Variants in KCNIP4 observed in about 807,000 individuals in gnomAD.
KCNIP4 encodes the protein Kv channel-interacting protein 4.
KCNIP4 carries 12 observed loss-of-function variants against 34.0 expected under a neutral mutation model. The observed-to-expected ratio is 0.35, with a 90% CI of 0.23 to 0.57. The LOEUF (loss-of-function observed/expected upper bound fraction) is 0.57, where lower values mean the gene tolerates loss of function less well. KCNIP4 is among the 20% of genes least tolerant of loss of function. The pLI, the probability that KCNIP4 is intolerant of heterozygous loss-of-function variation, is 0.83. For synonymous variants in KCNIP4, 124 were observed against 102.2 expected (o/e 1.21, Z -1.29); for missense variants, 238 against 311.7 (o/e 0.76, Z 1.78).
At chr4:21,820,283 GTGTATATA>G (rs1262336105) in intron 1 of KCNIP4, among the ~76,000 whole-genome samples, 12,227 of 127,340 alleles carry the variant, frequency 0.096, 753 homozygotes, top group South Asian at 0.12. Flanking sequence ...ATGTGTGTGT[GTGTATATA>G]TATATATATA....
At chr4:21,027,246 T>A (rs562687265) in intron 1 of KCNIP4, among the ~76,000 whole-genome samples, 13 of 152,148 alleles carry the variant, frequency 8.5e-5, no homozygotes, top group African/African-American at 2.4e-4. Flanking sequence ...GTAAATAAAG[T>A]TTTATTGGCA....
intron 1 of KCNIP4, among the ~76,000 whole-genome samples, chr4:21,755,078 G>T (rs1453397016): frequency 6.6e-6 from 1 of 152,166 alleles, no homozygotes; most frequent in Non-Finnish European, 1.5e-5. Context: ...TTGAATCCCA[G>T]AGGCAGAGGT....
chr4:20,786,508 C>G (rs910289041), intron 3 of KCNIP4, among the ~76,000 whole-genome samples: 4 of 152,130 alleles, frequency 2.6e-5, no homozygotes, highest in Non-Finnish European at 5.9e-5. Flanking sequence ...TTATTATAGT[C>G]TTCTATATTT....
intron 1 of KCNIP4, among the ~76,000 whole-genome samples, chr4:21,853,480 G>A (rs1724543413): frequency 6.6e-6 from 1 of 152,034 alleles, no homozygotes; most frequent in South Asian, 2.1e-4. Flanking sequence ...TTATTTTTAA[G>A]TCCCTTTTCA....
intron 1 of KCNIP4, among the ~76,000 whole-genome samples, chr4:21,444,262 C>T (rs1727761505): frequency 6.6e-6 from 1 of 152,158 alleles, no homozygotes; most frequent in Non-Finnish European, 1.5e-5. Flanking sequence ...AGAATCCTCC[C>T]TAACTCATTT....
At position 20,729,896 on chromosome 4, in the gene KCNIP4, A is replaced by G. The variant is rs1747519111; in HGVS notation, c.*186T>C. On this transcript the variant is annotated 3_prime_UTR_variant, in exon 9 of 9. Transcript: ENST00000382152. ...TCCCCTGAACTCAGTGGCATTATGA[A>G]AAGGATGCAAATTTATAACTGAAAG... The G allele has an allele frequency of 1.8e-6, 1 of 558,550 alleles. No homozygotes were observed. The highest frequency in any genetic ancestry group is 3.3e-5 in the East Asian group (1 of 30,684). 34.6% of individuals were successfully genotyped at this position (558,550 alleles called of 1,614,324 possible). A position where few individuals can be genotyped will look rare whatever the true frequency, so the allele number is the denominator to read the frequency against.
At chr4:21,924,855 T>C (rs1226041940) in intron 1 of KCNIP4, among the ~76,000 whole-genome samples, 1 of 152,070 alleles carries the variant, frequency 6.6e-6, no homozygotes, top group Non-Finnish European at 1.5e-5. Flanking sequence ...CACTCCTCCC[T>C]GGCCCCCAAT....
In KCNIP4 at chr4:21,495,503, T is replaced by C. The variant is rs1732776275; in HGVS notation, c.61+453068A>G. Among the ~76,000 whole-genome samples, 6 of 152,180 alleles carry C rather than the reference T, an allele frequency of 3.9e-5. No homozygotes were observed. The South Asian group carries it at 1.2e-3, about 31-fold the overall frequency. ...AAACAAGGATATGGAAACAACCTTA[T>C]TATCATTAATGATCCGATGATGATA... On this transcript the variant is annotated intron_variant, in intron 1 of 8. Coordinates refer to ENST00000382152, the MANE Select transcript of KCNIP4 (RefSeq NM_025221.6).
At chr4:20,946,469 C>T (rs1199570537) in intron 1 of KCNIP4, among the ~76,000 whole-genome samples, 1 of 152,164 alleles carries the variant, frequency 6.6e-6, no homozygotes. Flanking sequence ...TTGGATCATG[C>T]AGGGCCTGTG....
intron 1 of KCNIP4, among the ~76,000 whole-genome samples, chr4:21,286,387 C>A (rs1763124899): frequency 6.6e-6 from 1 of 152,128 alleles, no homozygotes; most frequent in African/African-American, 2.4e-5. Context: ...GACAGCACCT[C>A]TAACTGGTCA....
At chr4:21,314,496 G>A (rs1002113503) in intron 1 of KCNIP4, among the ~76,000 whole-genome samples, 8 of 152,188 alleles carry the variant, frequency 5.3e-5, no homozygotes, top group Non-Finnish European at 1.0e-4. Flanking sequence ...ACCACAACAG[G>A]TTTCCACTGT....
At chr4:21,046,369 A>G (rs1186913718) in intron 1 of KCNIP4, among the ~76,000 whole-genome samples, 1 of 152,174 alleles carries the variant, frequency 6.6e-6, no homozygotes, top group African/African-American at 2.4e-5. Flanking sequence ...GCTGAAATGT[A>G]TTATGCAATA....
chr4:21,483,389 G>T (rs1032027464), intron 1 of KCNIP4, among the ~76,000 whole-genome samples: 5 of 152,182 alleles, frequency 3.3e-5, no homozygotes, highest in African/African-American at 4.8e-5. Context: ...GATGCTACAG[G>T]TGGGGCCTGG....
chr4:20,819,184 C>T (rs1387922154), intron 3 of KCNIP4, among the ~76,000 whole-genome samples: 1 of 151,940 alleles, frequency 6.6e-6, no homozygotes, highest in Non-Finnish European at 1.5e-5. Context: ...TTAATCCTCA[C>T]AAAGAACTTA....
At chr4:21,199,812 C>A (rs1247348171) in intron 1 of KCNIP4, among the ~76,000 whole-genome samples, 2 of 151,492 alleles carry the variant, frequency 1.3e-5, no homozygotes, top group Non-Finnish European at 2.9e-5. Context: ...CAATGATAGA[C>A]TGGATTAAGA....
intron 2 of KCNIP4, among the ~76,000 whole-genome samples, chr4:20,855,771 A>T (rs1452251902): frequency 6.6e-6 from 1 of 152,218 alleles, no homozygotes; most frequent in African/African-American, 2.4e-5. Context: ...TTATATTATA[A>T]TAACTTATCT....
chr4:21,665,593 C>T (rs1050078769), intron 1 of KCNIP4, among the ~76,000 whole-genome samples: 4 of 150,058 alleles, frequency 2.7e-5, no homozygotes, highest in African/African-American at 9.8e-5. Flanking sequence ...AGTCAAGGCT[C>T]TAAGAAGCAC....
At chr4:21,426,127 A>C (rs1184962519) in intron 1 of KCNIP4, among the ~76,000 whole-genome samples, 1 of 152,172 alleles carries the variant, frequency 6.6e-6, no homozygotes, top group Non-Finnish European at 1.5e-5. Context: ...AAGTATTAAG[A>C]CATGCTACAA....
At chr4:21,797,269 T>C (rs906162613) in intron 1 of KCNIP4, among the ~76,000 whole-genome samples, 38 of 152,300 alleles carry the variant, frequency 2.5e-4, no homozygotes, top group African/African-American at 8.7e-4. Flanking sequence ...GGCCACTGTG[T>C]GGCTAGGAGT....
Sources: gnomAD v4.1 joint callset for allele counts (sites outside exome capture counted in the v4.1 genomes callset) on GRCh38, gnomAD v4.1.1 for gene constraint, MANE v1.5 for transcripts, NCBI Gene and HGNC (gene_info 2026-07-23, HGNC 2026-07-21) for gene names.